The following NIN variants were observed in gnomAD, a reference collection of about 807,000 sequenced individuals.
NIN encodes the protein glycogen synthase kinase 3 beta-interacting protein.
A neutral mutation model predicts 257.6 loss-of-function variants in NIN; 137 were observed. That is an observed-to-expected ratio of 0.53 (90% CI 0.46 to 0.61). NIN has a LOEUF of 0.61. Among genes scored for constraint, NIN ranks in the 20% least tolerant of loss-of-function variants. The probability of loss-of-function intolerance (pLI) is 0.00; values close to 1 mark genes in which losing one functional copy is unlikely to be tolerated. For missense variants in NIN, 2,439 were observed against 2,501.2 expected (o/e 0.98, Z 0.53); for synonymous variants, 918 against 919.8 (o/e 1.00, Z 0.04).
chr14:50,811,499 T>TCTTGTATA lies in NIN; in HGVS notation c.184-4689_184-4682dup, dbSNP rs1215077108. Among the ~76,000 whole-genome samples the TCTTGTATA allele has an allele frequency of 2.7e-5, 4 of 150,478 alleles. No individual in the cohort carries two copies. In the East Asian group the frequency reaches 7.9e-4, roughly 30 times the overall value. ...AACAATCTAGTTGTATTTAATACAC[T>TCTTGTATA]CTTGTATATGATAAAACTAAAATTT... On this transcript the variant is annotated intron_variant, in intron 3 of 30. Transcript: ENST00000530997.
At chr14:50,740,257 G>C (rs1343347055) in intron 25 of NIN, among the ~76,000 whole-genome samples, 1 of 151,448 alleles carries the variant, frequency 6.6e-6, no homozygotes, top group African/African-American at 2.4e-5. Context: ...CACGATCTCA[G>C]CTCACTGCAA....
intron 4 of NIN, among the ~76,000 whole-genome samples, chr14:50,794,117 C>A (rs2043726299): frequency 6.6e-6 from 1 of 152,140 alleles, no homozygotes; most frequent in African/African-American, 2.4e-5. Flanking sequence ...TGAAACCATG[C>A]TGGGGTTTAG....
intron 17 of NIN, among the ~76,000 whole-genome samples, chr14:50,759,417 A>C (rs1459627636): frequency 6.6e-6 from 1 of 152,242 alleles, no homozygotes; most frequent in Non-Finnish European, 1.5e-5. Context: ...AAAAACAGTA[A>C]AAAAATATTT....
At chr14:50,749,250 C>G (rs1053894356) in intron 21 of NIN, among the ~76,000 whole-genome samples, 11 of 152,270 alleles carry the variant, frequency 7.2e-5, no homozygotes, top group African/African-American at 2.6e-4. Context: ...GGAAAACTGG[C>G]TAGCCATATG....
chr14:50,754,324 G>A (rs546838627), intron 20 of NIN, among the ~76,000 whole-genome samples: 2 of 152,288 alleles, frequency 1.3e-5, no homozygotes, highest in South Asian at 4.1e-4. Context: ...CAATTCTGCT[G>A]ATGATAAAGC....
At chr14:50,730,712 A>G (rs551996949) in intron 28 of NIN, among the ~76,000 whole-genome samples, 1 of 152,244 alleles carries the variant, frequency 6.6e-6, no homozygotes, top group Non-Finnish European at 1.5e-5. Flanking sequence ...CCATAATTTT[A>G]TATCAGTGGG....
Position 50,777,099 on chromosome 14 carries a change from TGAAGC to T in NIN, c.511_515del (p.Ala171ThrfsTer20). The T allele has an allele frequency of 1.2e-6, 2 of 1,613,696 alleles. No homozygotes were observed. Among genetic ancestry groups the T allele is most frequent in the Non-Finnish European group, 1.7e-6 (2 of 1,179,812 alleles). ...CTTGGGGAGGGGAAGATCCACTCTG[TGAAGC>T]ATTCAAGTCATCTGGGTTCCAAAAC... On this transcript the variant is annotated frameshift_variant, in exon 7 of 31. Transcript: ENST00000530997. LOFTEE classifies it high-confidence loss of function.
intron 18 of NIN, 138 bp from the exon 19 acceptor site, chr14:50,755,005 T>C (rs2041959127): frequency 1.8e-6 from 1 of 544,592 alleles, no homozygotes; most frequent in Admixed American, 3.3e-5. Flanking sequence ...TCTCTTAGTA[T>C]TTGGAAATCG....
rs199838034 is a variant in NIN, at chr14:50,727,509, CATAA to C, written c.6079-1447_6079-1444del. The C allele has an allele frequency of 9.6e-4, 1,154 of 1,205,236 alleles. 24 individuals are homozygous for C. In the East Asian group the frequency reaches 0.034, roughly 35 times the overall value. 74.7% of individuals were successfully genotyped at this position (1,205,236 alleles called of 1,614,324 possible). ...TGATTCACAAGATCTGTCATTTCTA[CATAA>C]ATAAATAAGAGACATAATACTGCAA... On this transcript the variant is annotated intron_variant, in intron 29 of 30. Coordinates refer to ENST00000530997, the MANE Select transcript of NIN (RefSeq NM_020921.4).
Position 50,720,792 on chromosome 14 carries a change from A to G in NIN, c.*2671T>C, listed in dbSNP as rs986188563. On this transcript the variant is annotated 3_prime_UTR_variant, in exon 31 of 31. Transcript: ENST00000530997. ...GAGAGAGGTGGGTTTTACTATCCAC[A>G]TTTTCCTTTTCTTAGTGTAACGTAT... is the stretch of plus-strand genomic sequence containing the variant. 5.0e-6 allele frequency: 1 copy of G among 201,996 alleles called. No homozygotes were observed. The highest frequency in any genetic ancestry group is 2.3e-5 in the African/African-American group (1 of 43,596). 12.5% of individuals were successfully genotyped at this position (201,996 alleles called of 1,614,324 possible). A position where few individuals can be genotyped will look rare whatever the true frequency, so the allele number is the denominator to read the frequency against.
In NIN at chr14:50,770,448, T is replaced by C. The variant is rs2042684444; in HGVS notation, c.1374A>G (p.Glu458=). The change falls in exon 12 of 31, where the codon GAA becomes GAG. Residue 458 remains glutamate (E), a synonymous_variant. Coordinates refer to ENST00000530997, the MANE Select transcript of NIN (RefSeq NM_020921.4). ...AGKQRLELEQ[E]IEKAKTEENY... is the part of the protein sequence containing the mutation. Reference sequence around the variant, plus strand: ...TCTCTTCTGTTTTTGCCTTTTCAATTTCCTGTTCAAGTTCTAAACGCTGCT... The same window carrying C: ...TCTCTTCTGTTTTTGCCTTTTCAATCTCCTGTTCAAGTTCTAAACGCTGCT... 3.7e-6 allele frequency: 6 copies of C among 1,614,224 alleles called. No homozygotes were observed. Among genetic ancestry groups the C allele is most frequent in the Non-Finnish European group, 4.2e-6 (5 of 1,180,038 alleles).
intron 30 of NIN, 81 bp downstream of exon 30, chr14:50,725,872 T>TTA (rs773950055): frequency 6.2e-7 from 1 of 1,610,134 alleles, no homozygotes. Flanking sequence ...AGTTAACGAG[T>TTA]TAATGGCAAT....
chr14:50,727,559 TAAA>T, intron 29 of NIN: 1 of 1,298,830 alleles, frequency 7.7e-7, no homozygotes, highest in Non-Finnish European at 1.0e-6. Context: ...GTAAAAATAA[TAAA>T]ATAATTTAAA....
intron 2 of NIN, among the ~76,000 whole-genome samples, chr14:50,828,881 TA>T (rs1340729419): frequency 6.6e-6 from 1 of 152,156 alleles, no homozygotes; most frequent in Non-Finnish European, 1.5e-5. Context: ...ATTACACATC[TA>T]AAATGAAAAA....
intron 17 of NIN, among the ~76,000 whole-genome samples, chr14:50,759,524 CG>C (rs2042183782): frequency 6.7e-6 from 1 of 150,324 alleles, no homozygotes; most frequent in Admixed American, 6.6e-5. Flanking sequence ...GACGGAGTCT[CG>C]CTCTGTCGCC....
At chr14:50,788,951 T>G (rs924708023) in intron 5 of NIN, among the ~76,000 whole-genome samples, 1 of 152,170 alleles carries the variant, frequency 6.6e-6, no homozygotes, top group Non-Finnish European at 1.5e-5. Context: ...AAAAGTCATT[T>G]GAGGAAAAAT....
chr14:50,767,356 T>C (rs889059691), intron 12 of NIN, among the ~76,000 whole-genome samples: 1 of 152,254 alleles, frequency 6.6e-6, no homozygotes, highest in African/African-American at 2.4e-5. Flanking sequence ...ATGTGGCTAT[T>C]TGCAAACTGA....
At chr14:50,784,800 A>G (rs1195223764) in intron 5 of NIN, among the ~76,000 whole-genome samples, 4 of 152,228 alleles carry the variant, frequency 2.6e-5, no homozygotes, top group Admixed American at 2.6e-4. Flanking sequence ...ATTGTGATGA[A>G]GCAGTGAACT....
intron 10 of NIN, 54 bp from the exon 11 acceptor site, chr14:50,771,046 G>C: frequency 1.3e-6 from 2 of 1,577,932 alleles, no homozygotes; most frequent in Non-Finnish European, 1.7e-6. Context: ...GCAACAAGTA[G>C]ACCCAGAAAA....
Sources: gnomAD v4.1 joint callset for allele counts (sites outside exome capture counted in the v4.1 genomes callset) on GRCh38, gnomAD v4.1.1 for gene constraint, MANE v1.5 for transcripts, NCBI Gene and HGNC (gene_info 2026-07-23, HGNC 2026-07-21) for gene names.